The following GLG1 variants were observed in gnomAD, a reference collection of about 807,000 sequenced individuals.
GLG1 encodes golgi glycoprotein 1.
GLG1 carries 38 observed loss-of-function variants against 160.5 expected under a neutral mutation model. The ratio of observed to expected loss-of-function variants is 0.24; its 90% CI spans 0.18 to 0.31. GLG1 has a LOEUF of 0.31. GLG1 is among the 10% of genes least tolerant of loss of function. The pLI, the probability that GLG1 is intolerant of heterozygous loss-of-function variation, is 1.00. For missense variants in GLG1, 1,373 were observed against 1,505.2 expected (o/e 0.91, Z 1.45); for synonymous variants, 644 against 543.4 (o/e 1.19, Z -2.57).
intron 1 of GLG1, among the ~76,000 whole-genome samples, chr16:74,581,901 C>G (rs769633962): frequency 2.0e-5 from 3 of 152,134 alleles, no homozygotes; most frequent in African/African-American, 4.8e-5. Flanking sequence ...GACGGTGAGA[C>G]TCCGTCTCAA....
chr16:74,505,074 T>C (rs1428273107), intron 3 of GLG1, among the ~76,000 whole-genome samples: 1 of 152,176 alleles, frequency 6.6e-6, no homozygotes, highest in Admixed American at 6.5e-5. Flanking sequence ...GCTTTATTTG[T>C]CCTTTGAATG....
At chr16:74,504,966 A>G (rs1172007979) in intron 3 of GLG1, among the ~76,000 whole-genome samples, 1 of 152,258 alleles carries the variant, frequency 6.6e-6, no homozygotes, top group South Asian at 2.1e-4. Context: ...AAAAGAGCCT[A>G]TTGCATTTGG....
In GLG1 at chr16:74,491,250, G is replaced by A. The variant is rs751986726; in HGVS notation, c.1235-35C>T. On this transcript the variant is annotated intron_variant, in intron 7 of 25. Coordinates refer to ENST00000422840, the MANE Select transcript of GLG1 (RefSeq NM_001145667.2). ...GATGTAAGTCATAACATTACGAAGGGTGATGCTATGTATTAGCATCAGAAA... is the reference window on the plus strand; with the variant it reads ...GATGTAAGTCATAACATTACGAAGGATGATGCTATGTATTAGCATCAGAAA... 6.4e-6 allele frequency: 9 copies of A among 1,413,192 alleles called. No homozygotes were observed. In the East Asian group the frequency reaches 9.1e-5, roughly 14 times the overall value. 87.5% of individuals were successfully genotyped at this position (1,413,192 alleles called of 1,614,324 possible). A position where few individuals can be genotyped will look rare whatever the true frequency, so the allele number is the denominator to read the frequency against.
At chr16:74,502,573 T>C (rs1597276489) in intron 4 of GLG1, among the ~76,000 whole-genome samples, 1 of 151,820 alleles carries the variant, frequency 6.6e-6, no homozygotes, top group Non-Finnish European at 1.5e-5. Flanking sequence ...AGACGGAGTC[T>C]CACTCTGTCT....
intron 1 of GLG1, among the ~76,000 whole-genome samples, chr16:74,592,273 G>C (rs1958202434): frequency 6.6e-6 from 1 of 152,220 alleles, no homozygotes; most frequent in Non-Finnish European, 1.5e-5. Context: ...CTCCTGAGTA[G>C]CTGGGATTAT....
rs150263855 is a variant in GLG1 at position 74,483,115 on chromosome 16, C to T, written c.1581G>A (p.Ser527=). Residue 527 remains serine (S), a synonymous_variant, in exon 10 of 26, where the codon TCG becomes TCA. Coordinates refer to ENST00000422840, the MANE Select transcript of GLG1 (RefSeq NM_001145667.2). ...HIRSGDPMIL[S]CLMEHLYTEK... is the part of the protein sequence containing the mutation. ...CTGTGTATAAATGTTCCATCAGGCA[C>T]GACAAGATCCTAGCCATTAAATGTG... 607 of 1,587,994 alleles carry T rather than the reference C, an allele frequency of 3.8e-4. 1 individual carries two copies. The East Asian group carries it at 0.011, about 29-fold the overall frequency.
At chr16:74,486,929 C>CA (rs1433659419) in intron 8 of GLG1, among the ~76,000 whole-genome samples, 1 of 150,710 alleles carries the variant, frequency 6.6e-6, no homozygotes, top group African/African-American at 2.4e-5. Context: ...TTTTTTCCCC[C>CA]CCGAGACAGA....
chr16:74,516,923 A>G (rs1220198655), intron 2 of GLG1, among the ~76,000 whole-genome samples: 1 of 152,160 alleles, frequency 6.6e-6, no homozygotes, highest in East Asian at 1.9e-4. Context: ...TACTATAAAC[A>G]CCTCTATGCA....
At chr16:74,501,868 T>A (rs545148464) in intron 4 of GLG1, among the ~76,000 whole-genome samples, 352 of 152,362 alleles carry the variant, frequency 2.3e-3, no homozygotes, top group Non-Finnish European at 4.0e-3. Flanking sequence ...TTATTAAAGC[T>A]GTCCTTTCTT....
At chr16:74,525,348 T>G (rs2017301186) in intron 2 of GLG1, among the ~76,000 whole-genome samples, 1 of 152,232 alleles carries the variant, frequency 6.6e-6, no homozygotes, top group Non-Finnish European at 1.5e-5. Flanking sequence ...AAGTAATATC[T>G]CATTGTGGTT....
chr16:74,480,614 T>C (rs2015564531), intron 10 of GLG1, among the ~76,000 whole-genome samples: 1 of 151,766 alleles, frequency 6.6e-6, no homozygotes, highest in Non-Finnish European at 1.5e-5. Context: ...TGGAGTGCAG[T>C]GGTGCTATCT....
chr16:74,469,832 G>A lies in GLG1; in HGVS notation c.2318+153C>T, dbSNP rs1367455248. ...GCCAGATGCTCTGTCCAGACAGTCC[G>A]AGTGTTTGCCACGCTAATCAAAGGA... On this transcript the variant is annotated intron_variant, in intron 16 of 25. Coordinates refer to ENST00000422840, the MANE Select transcript of GLG1 (RefSeq NM_001145667.2). 14 of 638,574 alleles carry A rather than the reference G, an allele frequency of 2.2e-5. 1 individual carries two copies. Among genetic ancestry groups the A allele is most frequent in the Middle Eastern group, 5.0e-4 (2 of 3,992 alleles). 39.6% of individuals were successfully genotyped at this position (638,574 alleles called of 1,614,324 possible).
chr16:74,594,344 G>C (rs1037618536), intron 1 of GLG1, among the ~76,000 whole-genome samples: 2 of 152,286 alleles, frequency 1.3e-5, no homozygotes, highest in Non-Finnish European at 2.9e-5. Flanking sequence ...TGTTATTCAA[G>C]CCTTTAATAG....
At chr16:74,472,453 A>G in intron 13 of GLG1, 42 bp from the exon 14 acceptor site, 1 of 1,479,680 alleles carries the variant, frequency 6.8e-7, no homozygotes, top group Non-Finnish European at 9.4e-7. Context: ...CTTTAGAAAG[A>G]GCCAGGGTGG....
At chr16:74,561,308 T>C (rs1305789610) in intron 1 of GLG1, among the ~76,000 whole-genome samples, 1 of 152,246 alleles carries the variant, frequency 6.6e-6, no homozygotes, top group Non-Finnish European at 1.5e-5. Context: ...TCTTTAACCA[T>C]GATCATTTTG....
chr16:74,577,659 G>A (rs2019042930), intron 1 of GLG1, among the ~76,000 whole-genome samples: 1 of 151,890 alleles, frequency 6.6e-6, no homozygotes. Context: ...TGTCACCCAG[G>A]ATGGAGGGTA....
chr16:74,510,954 C>G (rs2016785095), intron 2 of GLG1, among the ~76,000 whole-genome samples: 1 of 152,038 alleles, frequency 6.6e-6, no homozygotes, highest in Non-Finnish European at 1.5e-5. Flanking sequence ...AGGCTAGAAG[C>G]AGTTAGCCAG....
chr16:74,528,744 G>A (rs1244693362), intron 2 of GLG1, among the ~76,000 whole-genome samples: 6 of 134,146 alleles, frequency 4.5e-5, no homozygotes, highest in Non-Finnish European at 7.8e-5. Flanking sequence ...CCCCAGAGGC[G>A]GAAGTTTCAG....
intron 1 of GLG1, among the ~76,000 whole-genome samples, chr16:74,589,012 G>C (rs1158852435): frequency 6.6e-6 from 1 of 151,564 alleles, no homozygotes; most frequent in Non-Finnish European, 1.5e-5. Flanking sequence ...GAGGCTGAGG[G>C]GGGTGGATAA....
Sources: gnomAD v4.1 joint callset for allele counts (sites outside exome capture counted in the v4.1 genomes callset) on GRCh38, gnomAD v4.1.1 for gene constraint, MANE v1.5 for transcripts, NCBI Gene and HGNC (gene_info 2026-07-23, HGNC 2026-07-21) for gene names.